ANKRD42: variants seen among roughly 807,000 people sequenced by gnomAD.
The protein encoded by ANKRD42 is ankyrin repeat domain-containing protein 42.
ANKRD42 carries 43 observed loss-of-function variants against 51.5 expected under a neutral mutation model. That is an observed-to-expected ratio of 0.83 (90% CI 0.65 to 1.08). ANKRD42 has a LOEUF of 1.08. Ranked by LOEUF, ANKRD42 falls within the 50% of genes least tolerant of loss-of-function variation. The pLI is 0.00. For missense variants in ANKRD42, 608 were observed against 629.3 expected (o/e 0.97, Z 0.36); for synonymous variants, 203 against 213.0 (o/e 0.95, Z 0.41).
intron 9 of ANKRD42, among the ~76,000 whole-genome samples, chr11:83,241,230 A>G (rs926935913): frequency 3.9e-5 from 6 of 152,190 alleles, no homozygotes; most frequent in African/African-American, 1.2e-4. Context: ...AAGGATTTCC[A>G]TGGTTAGTTG....
chr11:83,239,128 G>T (rs1260064129), intron 8 of ANKRD42, among the ~76,000 whole-genome samples: 1 of 152,124 alleles, frequency 6.6e-6, no homozygotes, highest in Non-Finnish European at 1.5e-5. Context: ...GTATGTAGTG[G>T]TAGCTCACTG....
chr11:83,249,238 T>C (rs1429319908), downstream of ANKRD42, among the ~76,000 whole-genome samples: 1 of 152,200 alleles, frequency 6.6e-6, no homozygotes, highest in Non-Finnish European at 1.5e-5. Context: ...AGGGTGTTGC[T>C]CTTGTCACCC....
At chr11:83,258,851 T>A (rs1169781574), downstream of ANKRD42, among the ~76,000 whole-genome samples, 2 of 152,168 alleles carry the variant, frequency 1.3e-5, no homozygotes, top group African/African-American at 4.8e-5. Context: ...TTCCTGACTC[T>A]TGCCAAGTCC....
At chr11:83,240,681 C>A (rs1863358501) in intron 8 of ANKRD42, 78 bp from the exon 9 acceptor site, 2 of 1,513,024 alleles carry the variant, frequency 1.3e-6, no homozygotes, top group Non-Finnish European at 1.8e-6. Context: ...AGAGTGTAAT[C>A]CCCTAAGTTA....
intron 1 of ANKRD42, among the ~76,000 whole-genome samples, chr11:83,195,848 T>C (rs2135470343): frequency 6.7e-6 from 1 of 150,222 alleles, no homozygotes; most frequent in East Asian, 1.9e-4. Flanking sequence ...TCTCTCTCTT[T>C]TTTTTTTTTT....
At chr11:83,263,585 T>C (rs1212083154), downstream of ANKRD42, among the ~76,000 whole-genome samples, 1 of 152,252 alleles carries the variant, frequency 6.6e-6, no homozygotes, top group Non-Finnish European at 1.5e-5. Flanking sequence ...ATAGATTAAA[T>C]GGAAATTGCC....
At chr11:83,209,335 C>A in intron 3 of ANKRD42, 1 of 1,056,282 alleles carries the variant, frequency 9.5e-7, no homozygotes, top group Non-Finnish European at 1.4e-6. Context: ...GGTGGGAGTG[C>A]GTGCTGCTGG....
At chr11:83,252,722 A>G (rs1008955078), downstream of ANKRD42, among the ~76,000 whole-genome samples, 3 of 152,096 alleles carry the variant, frequency 2.0e-5, no homozygotes, top group South Asian at 2.1e-4. Flanking sequence ...TATCTCAGTC[A>G]TGGTCACAGG....
chr11:83,244,422 AT>A (rs1863483468), intron 9 of ANKRD42, among the ~76,000 whole-genome samples: 1 of 152,212 alleles, frequency 6.6e-6, no homozygotes, highest in Admixed American at 6.5e-5. Context: ...TAGATAAATC[AT>A]TGGTGTTAGG....
At chr11:83,232,704 T>C (rs947883712) in intron 7 of ANKRD42, among the ~76,000 whole-genome samples, 1 of 152,188 alleles carries the variant, frequency 6.6e-6, no homozygotes, top group South Asian at 2.1e-4. Context: ...TTCACTATTA[T>C]ACTAGCTGTG....
chr11:83,224,760 G>A, intron 5 of ANKRD42, 95 bp from the exon 6 acceptor site: 3 of 1,041,776 alleles, frequency 2.9e-6, no homozygotes, highest in Non-Finnish European at 3.9e-6. Flanking sequence ...CTCCAGCCTG[G>A]GTTACAGAGC....
chr11:83,253,830 C>G (rs1024034056), downstream of ANKRD42, among the ~76,000 whole-genome samples: 2 of 152,120 alleles, frequency 1.3e-5, no homozygotes, highest in African/African-American at 4.8e-5. Flanking sequence ...GAATGCCAAG[C>G]ACATATTTTC....
At chr11:83,204,326 A>T (rs971107713) in intron 2 of ANKRD42, among the ~76,000 whole-genome samples, 1 of 152,230 alleles carries the variant, frequency 6.6e-6, no homozygotes, top group African/African-American at 2.4e-5. Context: ...GCACAATTAC[A>T]CATATTCATA....
In ANKRD42 at chr11:83,194,677, G is replaced by C; in HGVS notation, c.7G>C (p.Gly3Arg). 6.2e-7 allele frequency: 1 copy of C among 1,613,776 alleles called. No individual in the cohort carries two copies. The highest frequency in any genetic ancestry group is 1.3e-5 in the African/African-American group (1 of 75,048). The stretch of plus-strand genomic sequence containing the variant: ...GAGTCGGAGGTGTTGCGCCATGCCC[G>C]GGGTGGCCAATTCAGGCCCCTCCAC... MP[G>R]VANSGPSTSS... is the part of the protein sequence containing the mutation. The change falls in exon 1 of 11, where the codon GGG becomes CGG. Residue 3 changes from glycine to arginine, a missense_variant. By Grantham distance (125) the Gly-to-Arg change is moderately radical. Coordinates refer to ENST00000533342, the MANE Select transcript of ANKRD42 (RefSeq NM_001300975.2).
chr11:83,210,269 T>G, intron 3 of ANKRD42, 31 bp from the exon 4 acceptor site: 1 of 1,604,028 alleles, frequency 6.2e-7, no homozygotes, highest in East Asian at 2.2e-5. Flanking sequence ...TCTATACTCA[T>G]GTAAAGTCTT....
intron 7 of ANKRD42, among the ~76,000 whole-genome samples, chr11:83,229,364 GA>G (rs1862997590): frequency 6.6e-6 from 1 of 152,054 alleles, no homozygotes; most frequent in African/African-American, 2.4e-5. Context: ...TATGAATTTT[GA>G]GGGGAACACA....
At chr11:83,234,493 G>A (rs992237758) in intron 7 of ANKRD42, among the ~76,000 whole-genome samples, 4 of 151,804 alleles carry the variant, frequency 2.6e-5, no homozygotes, top group Admixed American at 1.3e-4. Flanking sequence ...TTAAAACATT[G>A]GTCAAATTAG....
Position 83,248,911 on chromosome 11 carries a change from C to G in ANKRD42, c.*707C>G, listed in dbSNP as rs1389811366. 8 of 982,676 alleles carry G rather than the reference C, an allele frequency of 8.1e-6. No homozygotes were observed. The highest frequency in any genetic ancestry group is 9.7e-6 in the Non-Finnish European group (8 of 827,552). 60.9% of individuals were successfully genotyped at this position (982,676 alleles called of 1,614,324 possible). A position where few individuals can be genotyped will look rare whatever the true frequency, so the allele number is the denominator to read the frequency against. On this transcript the variant is annotated 3_prime_UTR_variant, in exon 11 of 11. Coordinates refer to ENST00000533342, the MANE Select transcript of ANKRD42 (RefSeq NM_001300975.2). ...AAATATAACCACTTCCTCAGTTTCT[C>G]TGGGTTTTGGTGTCTCACCAGTGGT...
rs1229241093 is a variant in ANKRD42 at position 83,248,872 on chromosome 11, T to C, written c.*668T>C. Reference sequence around the variant, plus strand: ...TTTATCTGCAAACATGTATGTGTATTTCTATGCATATGCAAATATAACCAC... The same window carrying C: ...TTTATCTGCAAACATGTATGTGTATCTCTATGCATATGCAAATATAACCAC... On this transcript the variant is annotated 3_prime_UTR_variant, in exon 11 of 11. Coordinates refer to ENST00000533342, the MANE Select transcript of ANKRD42 (RefSeq NM_001300975.2). 1 of 983,180 alleles carries C rather than the reference T, an allele frequency of 1.0e-6. No homozygotes were observed. The highest frequency in any genetic ancestry group is 1.2e-6 in the Non-Finnish European group (1 of 827,964). 60.9% of individuals were successfully genotyped at this position (983,180 alleles called of 1,614,324 possible).
Sources: allele counts gnomAD v4.1 joint callset (sites outside exome capture counted in the v4.1 genomes callset), GRCh38; gene constraint gnomAD v4.1.1; transcripts MANE v1.5; gene names NCBI Gene and HGNC (gene_info 2026-07-23, HGNC 2026-07-21).